Variants in CHMP7 observed in about 807,000 individuals in gnomAD.
CHMP7 encodes CHMP family, member 7.
A neutral mutation model predicts 53.7 loss-of-function variants in CHMP7; 15 were observed. The observed-to-expected ratio is 0.28, with a 90% confidence interval of 0.19 to 0.43. CHMP7 has a LOEUF of 0.43. Among genes scored for constraint, CHMP7 ranks in the 20% least tolerant of loss-of-function variants. CHMP7 has a pLI of 1.00. For synonymous variants in CHMP7, 261 were observed against 228.0 expected (o/e 1.14, Z -1.30); for missense variants, 527 against 569.4 (o/e 0.93, Z 0.76).
chr8:23,247,594 C>G lies in CHMP7; in HGVS notation c.299+600C>G, dbSNP rs145129835. The stretch of plus-strand genomic sequence containing the variant: ...GCGACAGGTGCAGTTTTGGCGGTAT[C>G]TGAGGGTAACATTGATAACTAATAC... On this transcript the variant is annotated intron_variant, in intron 2 of 10. Transcript: ENST00000397677. Among the ~76,000 whole-genome samples the G allele has an allele frequency of 5.0e-4, 76 of 152,296 alleles. 1 individual carries two copies. The highest frequency in any genetic ancestry group is 1.8e-3 in the African/African-American group (74 of 41,556).
chr8:23,254,420 G>A (rs918795673), intron 3 of CHMP7, among the ~76,000 whole-genome samples: 3 of 152,102 alleles, frequency 2.0e-5, no homozygotes, highest in African/African-American at 7.2e-5. Context: ...TTGAGACAGA[G>A]TTTTGCTCTT....
intron 3 of CHMP7, among the ~76,000 whole-genome samples, chr8:23,254,480 C>T (rs1436032051): frequency 2.6e-5 from 4 of 152,086 alleles, no homozygotes; most frequent in African/African-American, 7.2e-5. Flanking sequence ...CTGCAACCTC[C>T]GCCTCCCAGG....
chr8:23,256,560 G>T lies in CHMP7; in HGVS notation c.758G>T (p.Arg253Leu). ...QLMQSEQLLS[R>L]KVESLSQEAE... ...ATGCAGAGTGAACAGCTTCTCTCAC[G>T]CAAAGTGGAGTCCTTATCCCAGGAA... Residue 253 changes from arginine (R) to leucine (L), a missense_variant, in exon 5 of 11, where the codon CGC (arginine) becomes CTC (leucine). Physicochemically the swap from Arg to Leu is moderately radical, Grantham distance 102 (BLOSUM62 -2). Transcript: ENST00000397677. 6.2e-7 allele frequency: 1 copy of T among 1,613,840 alleles called. No individual in the cohort carries two copies. Among genetic ancestry groups the T allele is most frequent in the Non-Finnish European group, 8.5e-7 (1 of 1,179,816 alleles).
intron 3 of CHMP7, among the ~76,000 whole-genome samples, chr8:23,253,167 G>T (rs1376349097): frequency 6.6e-6 from 1 of 152,190 alleles, no homozygotes; most frequent in Non-Finnish European, 1.5e-5. Flanking sequence ...GATCTTTGCT[G>T]TGGATATGCT....
chr8:23,246,440 A>G lies in CHMP7; in HGVS notation c.-256A>G. 1 of 530,816 alleles carries G rather than the reference A, an allele frequency of 1.9e-6. No individual in the cohort carries two copies. Among genetic ancestry groups the G allele is most frequent in the Middle Eastern group, 4.9e-4 (1 of 2,024 alleles). The allele number at this position is 530,816 out of a possible 1,614,324, so 32.9% of individuals were successfully genotyped here. On this transcript the variant is annotated 5_prime_UTR_variant, in exon 2 of 11. Coordinates refer to ENST00000397677, the MANE Select transcript of CHMP7 (RefSeq NM_152272.5). ...CAGGCGCAAGCCTTTCTTTCGGCAC[A>G]AAGACCGTGGGAGGAGGGGTCGGCG...
chr8:23,259,192 G>A lies in CHMP7; in HGVS notation c.1120+66G>A, dbSNP rs1410131653. The A allele has an allele frequency of 1.9e-4, 143 of 767,390 alleles. 1 individual carries two copies. The highest frequency in any genetic ancestry group is 2.4e-4 in the African/African-American group (12 of 50,776). 47.5% of individuals were successfully genotyped at this position (767,390 alleles called of 1,614,324 possible). The stretch of plus-strand genomic sequence containing the variant: ...TTTTTTTTTTTTTTTTTTTTGAGAC[G>A]GAGTCTCGCTCTGTCGCCCAGGCTG... On this transcript the variant is annotated intron_variant, in intron 9 of 10. Coordinates refer to ENST00000397677, the MANE Select transcript of CHMP7 (RefSeq NM_152272.5).
At chr8:23,256,642 C>T (rs757548424) in intron 5 of CHMP7, 49 bp downstream of exon 5, 3 of 1,557,630 alleles carry the variant, frequency 1.9e-6, no homozygotes, top group Admixed American at 1.8e-5. Context: ...TGCTGGCCCC[C>T]AGAGCCAGCA....
At chr8:23,258,923 T>C in intron 8 of CHMP7, 93 bp downstream of exon 8, 1 of 1,050,092 alleles carries the variant, frequency 9.5e-7, no homozygotes, top group African/African-American at 1.6e-5. Flanking sequence ...GAAACCTGAC[T>C]TGTGACCTTG....
In CHMP7 at chr8:23,246,614, G is replaced by C. The variant is rs898542648; in HGVS notation, c.-82G>C. ...TGTGAACGAGAAGGAGGTGGTCAAG[G>C]AACGGAAGCCGGGAGGGAACGAGGG... is the stretch of plus-strand genomic sequence containing the variant. On this transcript the variant is annotated 5_prime_UTR_variant, in exon 2 of 11. Coordinates refer to ENST00000397677, the MANE Select transcript of CHMP7 (RefSeq NM_152272.5). 2 of 1,241,408 alleles carry C rather than the reference G, an allele frequency of 1.6e-6. No individual in the cohort carries two copies. Among genetic ancestry groups the C allele is most frequent in the Non-Finnish European group, 1.1e-6 (1 of 900,084 alleles). 76.9% of individuals were successfully genotyped at this position (1,241,408 alleles called of 1,614,324 possible). A position where few individuals can be genotyped will look rare whatever the true frequency, so the allele number is the denominator to read the frequency against.
At position 23,260,433 on chromosome 8, in the gene CHMP7, G is replaced by A. The variant is rs1802341347; in HGVS notation, c.1301-105G>A. The A allele has an allele frequency of 2.0e-6, 3 of 1,507,962 alleles. No individual in the cohort carries two copies. The East Asian group carries it at 6.8e-5, about 34-fold the overall frequency. 93.4% of individuals were successfully genotyped at this position (1,507,962 alleles called of 1,614,324 possible). ...TTGCCAGAGTACCAGAGCCCTGTAG[G>A]GAGTTGAGGGTTGTTTATATTAAGA... On this transcript the variant is annotated intron_variant, in intron 10 of 10. Transcript: ENST00000397677.
chr8:23,254,980 G>C lies in CHMP7; in HGVS notation c.472-267G>C, dbSNP rs1802066735. The C allele has an allele frequency of 2.2e-5, 11 of 497,516 alleles. No homozygotes were observed. In the South Asian group the frequency reaches 2.3e-4, roughly 10 times the overall value. The allele number at this position is 497,516 out of a possible 1,614,324, so 30.8% of individuals were successfully genotyped here. A position where few individuals can be genotyped will look rare whatever the true frequency, so the allele number is the denominator to read the frequency against. Reference sequence around the variant, plus strand: ...GAAACCACAGGCCAGTGAGAGGCAGGAGTGTAAAATCCCCGATGGGCGTGC... The same window carrying C: ...GAAACCACAGGCCAGTGAGAGGCAGCAGTGTAAAATCCCCGATGGGCGTGC... On this transcript the variant is annotated intron_variant, in intron 3 of 10. Transcript: ENST00000397677.
At chr8:23,252,760 A>G (rs899092371) in intron 3 of CHMP7, among the ~76,000 whole-genome samples, 2 of 152,136 alleles carry the variant, frequency 1.3e-5, no homozygotes, top group African/African-American at 4.8e-5. Flanking sequence ...TTCCGTTTAC[A>G]TTTCCTTCAA....
intron 2 of CHMP7, among the ~76,000 whole-genome samples, chr8:23,248,752 G>A (rs1477961584): frequency 6.6e-6 from 1 of 152,198 alleles, no homozygotes; most frequent in African/African-American, 2.4e-5. Context: ...CCTTGCCTTG[G>A]AAGAGCAAGA....
intron 2 of CHMP7, among the ~76,000 whole-genome samples, chr8:23,247,418 G>A (rs1283946440): frequency 1.3e-5 from 2 of 152,202 alleles, no homozygotes; most frequent in East Asian, 3.8e-4. Context: ...TGGGGAAGAG[G>A]CCTGTAGGCA....
chr8:23,253,458 A>T (rs775403759), intron 3 of CHMP7, among the ~76,000 whole-genome samples: 5 of 151,512 alleles, frequency 3.3e-5, no homozygotes, highest in Non-Finnish European at 5.9e-5. Context: ...AATTTTTTGT[A>T]TTTTTTTTAG....
chr8:23,244,993 G>A (rs1341627382), intron 1 of CHMP7, among the ~76,000 whole-genome samples: 1 of 152,132 alleles, frequency 6.6e-6, no homozygotes, highest in Non-Finnish European at 1.5e-5. Flanking sequence ...CTGCAATCTT[G>A]TTCTCATTGC....
At chr8:23,255,160 T>C in intron 3 of CHMP7, 87 bp from the exon 4 acceptor site, 1 of 1,401,630 alleles carries the variant, frequency 7.1e-7, no homozygotes, top group East Asian at 2.4e-5. Flanking sequence ...TTGCCTTGTG[T>C]GATCATGGTT....
chr8:23,259,280 T>C (rs895395191), intron 9 of CHMP7, among the ~76,000 whole-genome samples, 154 bp downstream of exon 9: 9 of 146,330 alleles, frequency 6.2e-5, no homozygotes, highest in Non-Finnish European at 1.1e-4. Flanking sequence ...GCCATTCTCC[T>C]GCCTCAGCCT....
At chr8:23,252,193 A>ATTTTTTTTTTTTTT (rs1563405578) in intron 3 of CHMP7, among the ~76,000 whole-genome samples, 14 of 48,388 alleles carry the variant, frequency 2.9e-4, no homozygotes, top group South Asian at 1.7e-3. Context: ...GTATTGTGTT[A>ATTTTTTTTTTTTTT]TCTTTTTTTT....
Sources: allele counts gnomAD v4.1 joint callset (sites outside exome capture counted in the v4.1 genomes callset), GRCh38; gene constraint gnomAD v4.1.1; transcripts MANE v1.5; gene names NCBI Gene and HGNC (gene_info 2026-07-23, HGNC 2026-07-21).